RBPJ: variants seen among roughly 807,000 people sequenced by gnomAD.
The protein encoded by RBPJ is recombination signal binding protein for immunoglobulin kappa J region, also known as recombining binding protein suppressor of hairless.
Under a neutral mutation model 67.8 loss-of-function variants are expected in RBPJ, and 9 were observed. That is an observed-to-expected ratio of 0.13 (90% CI 0.08 to 0.23). The LOEUF is 0.23. Ranked by LOEUF, RBPJ falls within the 10% of genes least tolerant of loss-of-function variation. The pLI, the probability that RBPJ is intolerant of heterozygous loss-of-function variation, is 1.00. For missense variants in RBPJ, 305 were observed against 595.6 expected (o/e 0.51, Z 5.08); for synonymous variants, 198 against 203.3 (o/e 0.97, Z 0.22).
intron 2 of RBPJ, among the ~76,000 whole-genome samples, chr4:26,401,078 T>C (rs1732740834): frequency 6.6e-6 from 1 of 152,244 alleles, no homozygotes; most frequent in African/African-American, 2.4e-5. Context: ...TGTTGAAGGT[T>C]GAAGTCTTCT....
intron 1 of RBPJ, among the ~76,000 whole-genome samples, chr4:26,193,808 G>C (rs1393951488): frequency 5.3e-5 from 8 of 152,222 alleles, no homozygotes; most frequent in East Asian, 1.9e-4. Context: ...TGCTCAGAAT[G>C]ATGACCAGAT....
At chr4:26,382,112 G>A (rs1384534351) in intron 1 of RBPJ, among the ~76,000 whole-genome samples, 3 of 152,044 alleles carry the variant, frequency 2.0e-5, no homozygotes, top group Admixed American at 1.3e-4. Context: ...GCCTATACAT[G>A]ATTGGTCCAA....
At chr4:26,137,302 C>T in the RBPJ span, among the ~76,000 whole-genome samples, 9 of 152,202 alleles carry the variant, frequency 5.9e-5, no homozygotes, top group African/African-American at 2.2e-4. Context: ...AAGTTGTATG[C>T]GTGTGTCCTG....
chr4:26,296,964 C>G (rs1721894666), intron 1 of RBPJ, among the ~76,000 whole-genome samples: 1 of 152,108 alleles, frequency 6.6e-6, no homozygotes, highest in Admixed American at 6.6e-5. Context: ...TGTTGCATAT[C>G]CTGTGTTTAT....
chr4:26,405,041 T>C (rs1185483789), intron 2 of RBPJ, among the ~76,000 whole-genome samples: 1 of 152,238 alleles, frequency 6.6e-6, no homozygotes, highest in African/African-American at 2.4e-5. Flanking sequence ...ATTTATATCC[T>C]GGTATTACTG....
the RBPJ span, among the ~76,000 whole-genome samples, chr4:26,133,736 C>T: frequency 6.6e-6 from 1 of 152,050 alleles, no homozygotes; most frequent in Non-Finnish European, 1.5e-5. Flanking sequence ...TTCCTCCCCT[C>T]CCCGCCCCCA....
intron 1 of RBPJ, among the ~76,000 whole-genome samples, chr4:26,329,622 C>T (rs992155870): frequency 3.3e-5 from 5 of 152,042 alleles, no homozygotes; most frequent in Admixed American, 2.0e-4. Flanking sequence ...CGGCTGGGCG[C>T]GGTGGCTCAC....
rs528711688 is a variant in RBPJ at position 26,398,912 on chromosome 4, C to T, written c.60-7263C>T. On this transcript the variant is annotated intron_variant, in intron 2 of 10. Coordinates refer to ENST00000355476, the MANE Select transcript of RBPJ (RefSeq NM_015874.6). The stretch of plus-strand genomic sequence containing the variant: ...CAGGCGGGAGCCACCTCGTCCAGCC[C>T]GTCTTTCAGAATTCTGTGTGTTATA... 1.1e-4 allele frequency among the ~76,000 whole-genome samples: 16 copies of T among 152,242 alleles called. No individual in the cohort carries two copies. The South Asian group carries it at 2.7e-3, about 26-fold the overall frequency.
chr4:26,176,489 T>C (rs1451710628), intron 1 of RBPJ, among the ~76,000 whole-genome samples: 1 of 152,234 alleles, frequency 6.6e-6, no homozygotes, highest in African/African-American at 2.4e-5. Context: ...TTGTTCAGAA[T>C]GTAGCTAATC....
At chr4:26,287,453 T>C (rs1721504080) in intron 1 of RBPJ, among the ~76,000 whole-genome samples, 1 of 150,972 alleles carries the variant, frequency 6.6e-6, no homozygotes, top group South Asian at 2.1e-4. Context: ...CTCAGAAGGC[T>C]CGAGTGGGAA....
At chr4:26,294,216 G>T (rs546384494) in intron 1 of RBPJ, among the ~76,000 whole-genome samples, 41 of 152,158 alleles carry the variant, frequency 2.7e-4, no homozygotes, top group Admixed American at 2.6e-3. Context: ...TCCTGCCTCA[G>T]CCTCCCGAGT....
chr4:26,179,294 GT>G (rs199696197), intron 1 of RBPJ, among the ~76,000 whole-genome samples: 9,299 of 136,902 alleles, frequency 0.068, 340 homozygotes, highest in South Asian at 0.1. Context: ...TGATTACTGT[GT>G]TTTTTTTTTT....
intron 1 of RBPJ, among the ~76,000 whole-genome samples, chr4:26,376,900 C>T (rs1035691232): frequency 8.5e-5 from 13 of 152,290 alleles, no homozygotes; most frequent in African/African-American, 3.1e-4. Context: ...TGAGGTTGAG[C>T]ATCTTTTCAT....
rs1736505493 is a variant in RBPJ at position 26,434,558 on chromosome 4, T to A, written c.*3551T>A. 6.6e-6 allele frequency: 1 copy of A among 152,236 alleles called. No individual in the cohort carries two copies. Among genetic ancestry groups the A allele is most frequent in the African/African-American group, 2.4e-5 (1 of 41,468 alleles). The allele number at this position is 152,236 out of a possible 1,614,324, so 9.4% of individuals were successfully genotyped here. ...GGATGGATGGTTAGAAACAATAATATATTAGGGTTTCTGTTTAACCCTTTC... is the reference window on the plus strand; with the variant it reads ...GGATGGATGGTTAGAAACAATAATAAATTAGGGTTTCTGTTTAACCCTTTC... On this transcript the variant is annotated 3_prime_UTR_variant, in exon 11 of 11. Transcript: ENST00000355476.
chr4:26,129,568 T>C, the RBPJ span, among the ~76,000 whole-genome samples: 71 of 152,244 alleles, frequency 4.7e-4, 2 homozygotes, highest in Non-Finnish European at 9.4e-4. Flanking sequence ...TTTTCTCATC[T>C]GAAAAACCAA....
At chr4:26,169,542 G>A (rs1307030956) in intron 1 of RBPJ, among the ~76,000 whole-genome samples, 1 of 152,348 alleles carries the variant, frequency 6.6e-6, no homozygotes, top group African/African-American at 2.4e-5. Flanking sequence ...CACCTGAGGA[G>A]GCAGTCTGCC....
chr4:26,326,959 T>C (rs919219510), intron 1 of RBPJ, among the ~76,000 whole-genome samples: 10 of 152,230 alleles, frequency 6.6e-5, no homozygotes, highest in African/African-American at 2.2e-4. Flanking sequence ...GTTAAATTAC[T>C]GCTTGACCAC....
intron 1 of RBPJ, among the ~76,000 whole-genome samples, chr4:26,244,355 A>G (rs145110176): frequency 0.025 from 2,096 of 84,202 alleles, 254 homozygotes; most frequent in Non-Finnish European, 0.035. Context: ...GTGTGTATAT[A>G]TATGTATGCA....
intron 1 of RBPJ, among the ~76,000 whole-genome samples, chr4:26,195,643 G>A (rs1717732945): frequency 6.6e-6 from 1 of 152,014 alleles, no homozygotes; most frequent in African/African-American, 2.4e-5. Flanking sequence ...CGCCCAGGCT[G>A]GAGTGCAGTG....
Sources: allele counts gnomAD v4.1 joint callset (sites outside exome capture counted in the v4.1 genomes callset), GRCh38; gene constraint gnomAD v4.1.1; transcripts MANE v1.5; gene names NCBI Gene and HGNC (gene_info 2026-07-23, HGNC 2026-07-21).